RBFOX3: variants seen among roughly 807,000 people sequenced by gnomAD.
RBFOX3 encodes the protein RNA binding protein fox-1 homolog 3.
In RBFOX3, 17 loss-of-function variants were observed where a neutral mutation model predicts 48.7. The ratio of observed to expected loss-of-function variants is 0.35; its 90% CI spans 0.24 to 0.52. The LOEUF is 0.52. Ranked by LOEUF, RBFOX3 falls within the 20% of genes least tolerant of loss-of-function variation. The pLI is 0.94. For missense variants in RBFOX3, 382 were observed against 497.5 expected, an observed-to-expected ratio of 0.77 and a Z score of 2.21; for synonymous variants, 212 against 209.5, an observed-to-expected ratio of 1.01 and a Z score of -0.10.
At chr17:79,237,781 G>A (rs1339799239) in intron 3 of RBFOX3, among the ~76,000 whole-genome samples, 1 of 152,180 alleles carries the variant, frequency 6.6e-6, no homozygotes, top group Non-Finnish European at 1.5e-5. Context: ...AATGGCAAAG[G>A]TAACTTCTGG....
At chr17:79,662,132 CT>C in the RBFOX3 span, among the ~76,000 whole-genome samples, 59 of 96,858 alleles carry the variant, frequency 6.1e-4, 4 homozygotes, top group Non-Finnish European at 5.7e-4. Context: ...CCTGTTTATT[CT>C]TTTTTTTTTT....
intron 4 of RBFOX3, among the ~76,000 whole-genome samples, chr17:79,170,099 A>AG (rs1202152111): frequency 6.3e-5 from 9 of 143,022 alleles, no homozygotes; most frequent in Admixed American, 4.1e-4. Flanking sequence ...AAGGATGGAA[A>AG]GCAGGAAAGG....
At chr17:79,501,611 C>CA (rs1357286313) in intron 1 of RBFOX3, among the ~76,000 whole-genome samples, 1 of 152,224 alleles carries the variant, frequency 6.6e-6, no homozygotes, top group Non-Finnish European at 1.5e-5. Context: ...CCTGGCCTCT[C>CA]ACTGTGGCAG....
At chr17:79,420,123 T>TCACACACA (rs1491201396) in intron 2 of RBFOX3, among the ~76,000 whole-genome samples, 4 of 62,100 alleles carry the variant, frequency 6.4e-5, no homozygotes, top group African/African-American at 2.9e-4. Context: ...CAAGACTCCG[T>TCACACACA]CTCATACACA....
chr17:79,168,731 G>A (rs1002161761), intron 4 of RBFOX3, among the ~76,000 whole-genome samples: 4 of 152,248 alleles, frequency 2.6e-5, no homozygotes, highest in Admixed American at 2.6e-4. Context: ...TGGCCCGGCA[G>A]ACACAGAGCC....
intron 1 of RBFOX3, among the ~76,000 whole-genome samples, chr17:79,570,158 AATAGATGGATG>A (rs1216703501): frequency 6.8e-6 from 1 of 147,152 alleles, no homozygotes; most frequent in Non-Finnish European, 1.5e-5. Flanking sequence ...ACAGATGGAT[AATAGATGGATG>A]GTAGATGGAT....
At chr17:79,445,611 G>A (rs1358210540) in intron 2 of RBFOX3, among the ~76,000 whole-genome samples, 1 of 152,154 alleles carries the variant, frequency 6.6e-6, no homozygotes, top group Non-Finnish European at 1.5e-5. Context: ...GCCGAGCTCA[G>A]AGCCCACAAA....
At chr17:79,262,189 G>A (rs958625689) in intron 3 of RBFOX3, among the ~76,000 whole-genome samples, 2 of 152,270 alleles carry the variant, frequency 1.3e-5, no homozygotes, top group African/African-American at 4.8e-5. Context: ...TGGCTAAGCG[G>A]CGGCCAGGCC....
At chr17:79,157,467 C>T (rs1011623348) in intron 4 of RBFOX3, among the ~76,000 whole-genome samples, 3 of 152,250 alleles carry the variant, frequency 2.0e-5, no homozygotes, top group African/African-American at 7.2e-5. Flanking sequence ...TGCCTGGCTT[C>T]CCCCTGGGTC....
the RBFOX3 span, among the ~76,000 whole-genome samples, chr17:79,654,285 G>A: frequency 6.6e-6 from 1 of 152,172 alleles, no homozygotes; most frequent in Admixed American, 6.5e-5. Flanking sequence ...TCCAGCCCCT[G>A]AGCCCCTCTA....
chr17:79,603,927 C>T (rs987349940), intron 1 of RBFOX3: 18,338 of 152,370 alleles, frequency 0.12, 1,907 homozygotes, highest in East Asian at 0.32. Flanking sequence ...AGGTCAGCTC[C>T]GGCCTCAGGC....
intron 5 of RBFOX3, among the ~76,000 whole-genome samples, chr17:79,107,825 G>A (rs2077692489): frequency 6.6e-6 from 1 of 152,208 alleles, no homozygotes; most frequent in Admixed American, 6.5e-5. Flanking sequence ...GGCAAGGCGG[G>A]TGGGTGGCAC....
intron 2 of RBFOX3, among the ~76,000 whole-genome samples, chr17:79,378,574 G>A (rs989173201): frequency 2.6e-5 from 4 of 152,168 alleles, no homozygotes; most frequent in African/African-American, 9.7e-5. Context: ...GGTTCGGATG[G>A]GTGGGCTGAG....
intron 4 of RBFOX3, among the ~76,000 whole-genome samples, chr17:79,221,996 C>G (rs1008051914): frequency 6.6e-6 from 1 of 152,174 alleles, no homozygotes; most frequent in Non-Finnish European, 1.5e-5. Flanking sequence ...AAAACCTCCA[C>G]CAGCCACAAA....
At chr17:79,410,419 G>A (rs972961432) in intron 2 of RBFOX3, among the ~76,000 whole-genome samples, 8 of 152,324 alleles carry the variant, frequency 5.3e-5, no homozygotes, top group Admixed American at 5.2e-4. Flanking sequence ...AAACCGAGGT[G>A]CAGCTGTGAG....
intron 1 of RBFOX3, among the ~76,000 whole-genome samples, chr17:79,578,631 G>A (rs2092941429): frequency 6.6e-6 from 1 of 152,254 alleles, no homozygotes; most frequent in Non-Finnish European, 1.5e-5. Context: ...AGAGACCCTT[G>A]GTCTGGATGC....
chr17:79,635,221 T>C, the RBFOX3 span, among the ~76,000 whole-genome samples: 1 of 151,916 alleles, frequency 6.6e-6, no homozygotes, highest in Admixed American at 6.6e-5. Context: ...CAGGGATGCC[T>C]GGTTAAGGGC....
At chr17:79,462,834 G>A (rs1043032941) in intron 2 of RBFOX3, among the ~76,000 whole-genome samples, 1 of 152,152 alleles carries the variant, frequency 6.6e-6, no homozygotes, top group Non-Finnish European at 1.5e-5. Context: ...CACACAGAGC[G>A]TCTCCAGCCC....
At chr17:79,526,180 C>T (rs998883164) in intron 1 of RBFOX3, among the ~76,000 whole-genome samples, 3 of 152,202 alleles carry the variant, frequency 2.0e-5, no homozygotes, top group Admixed American at 2.0e-4. Flanking sequence ...AGTTGTGTGG[C>T]CCCACTTAGG....
Sources: gnomAD v4.1 joint callset for allele counts (sites outside exome capture counted in the v4.1 genomes callset) on GRCh38, gnomAD v4.1.1 for gene constraint, MANE v1.5 for transcripts, NCBI Gene and HGNC (gene_info 2026-07-23, HGNC 2026-07-21) for gene names.